Variants in DTNB observed in about 807,000 individuals in gnomAD.
DTNB encodes the protein DTN-B.
DTNB carries 63 observed loss-of-function variants against 90.7 expected under a neutral mutation model. That is an observed-to-expected ratio of 0.69 (90% confidence interval 0.57 to 0.86). The LOEUF is 0.86. DTNB is among the 40% of genes least tolerant of loss of function. The probability of loss-of-function intolerance (pLI) is 0.00; values close to 1 mark genes in which losing one functional copy is unlikely to be tolerated. For synonymous variants in DTNB, 277 were observed against 286.7 expected, an observed-to-expected ratio of 0.97 and a Z score of 0.34; for missense variants, 744 against 807.1, an observed-to-expected ratio of 0.92 and a Z score of 0.95.
At chr2:25,623,802 C>T (rs984840378) in intron 4 of DTNB, among the ~76,000 whole-genome samples, 3 of 151,948 alleles carry the variant, frequency 2.0e-5, no homozygotes, top group African/African-American at 7.3e-5. Context: ...AAACCAGAAA[C>T]AACAAACAGT....
chr2:25,429,932 T>TG (rs1331174160), intron 14 of DTNB, among the ~76,000 whole-genome samples: 1 of 152,290 alleles, frequency 6.6e-6, no homozygotes, highest in African/African-American at 2.4e-5. Context: ...CATAATTATT[T>TG]GGGGGGAATC....
chr2:25,424,435 A>G lies in DTNB; in HGVS notation c.1554+3100T>C, dbSNP rs2050820338. ...ACACTAGAAGGCCACAGTGGCATGC[A>G]TGGGGCTTGGGGTCAGTAGTTCTGG... is the stretch of plus-strand genomic sequence containing the variant. On this transcript the variant is annotated intron_variant, in intron 15 of 20. Transcript: ENST00000406818. This position sits in a 1 kb window ranked among gnomAD's most constrained non-coding sequence, Gnocchi z 4.1. 6.6e-6 allele frequency among the ~76,000 whole-genome samples: 1 copy of G among 152,130 alleles called. No individual in the cohort carries two copies. The highest frequency in any genetic ancestry group is 1.5e-5 in the Non-Finnish European group (1 of 68,002).
chr2:25,568,435 A>T lies in DTNB; in HGVS notation c.876+8403T>A, dbSNP rs562139395. ...CAGAAAAGCACGTATGCCCAGATCAAGGAAAAGGAAGGTTAAGGCTAAAGA... is the reference window on the plus strand; with the variant it reads ...CAGAAAAGCACGTATGCCCAGATCATGGAAAAGGAAGGTTAAGGCTAAAGA... On this transcript the variant is annotated intron_variant, in intron 8 of 20. Coordinates refer to ENST00000406818, the MANE Select transcript of DTNB (RefSeq NM_021907.5). Among the ~76,000 whole-genome samples the T allele has an allele frequency of 9.9e-5, 15 of 152,278 alleles. No homozygotes were observed. The South Asian group carries it at 3.1e-3, about 32-fold the overall frequency.
At chr2:25,598,387 C>A (rs2065088463) in intron 5 of DTNB, among the ~76,000 whole-genome samples, 1 of 152,170 alleles carries the variant, frequency 6.6e-6, no homozygotes, top group Non-Finnish European at 1.5e-5. Context: ...CACCTCTGGA[C>A]TTCTTTTATG....
chr2:25,520,906 A>G lies in DTNB; in HGVS notation c.1001+10567T>C, dbSNP rs948554021. Among the ~76,000 whole-genome samples, 3 of 152,238 alleles carry G rather than the reference A, an allele frequency of 2.0e-5. No homozygotes were observed. The East Asian group carries it at 5.8e-4, about 29-fold the overall frequency. On this transcript the variant is annotated intron_variant, in intron 9 of 20. Coordinates refer to ENST00000406818, the MANE Select transcript of DTNB (RefSeq NM_021907.5). ...ATTACAGTATAATTTAAATAACAGT[A>G]TAACAGTATTTTTTAATTATCTAGG...
intron 5 of DTNB, among the ~76,000 whole-genome samples, chr2:25,599,505 C>T (rs2065383133): frequency 2.6e-5 from 4 of 151,792 alleles, no homozygotes; most frequent in African/African-American, 9.7e-5. Context: ...CCATGCCCAG[C>T]TAATTTTTTG....
chr2:25,410,363 G>C (rs1317075529), intron 16 of DTNB, among the ~76,000 whole-genome samples: 1 of 152,144 alleles, frequency 6.6e-6, no homozygotes, highest in Non-Finnish European at 1.5e-5. Flanking sequence ...ACACCCCAAA[G>C]CTACTTTTCT....
chr2:25,475,037 A>G (rs2063499513), intron 10 of DTNB, among the ~76,000 whole-genome samples: 1 of 152,180 alleles, frequency 6.6e-6, no homozygotes. Context: ...AAAATATTGA[A>G]ATTAGGCCAG....
At chr2:25,382,948 C>T (rs773189555) in intron 19 of DTNB, among the ~76,000 whole-genome samples, 6 of 152,128 alleles carry the variant, frequency 3.9e-5, no homozygotes, top group Non-Finnish European at 8.8e-5. Flanking sequence ...GATCATCATA[C>T]GTGAAAATCA....
chr2:25,577,075 A>C (rs1490063469), intron 7 of DTNB, 71 bp from the exon 8 acceptor site: 14 of 1,433,452 alleles, frequency 9.8e-6, no homozygotes, highest in Non-Finnish European at 1.1e-5. Context: ...AAGAAAGAAT[A>C]AAATTTCACT....
chr2:25,491,249 A>G (rs2067404903), intron 9 of DTNB, among the ~76,000 whole-genome samples: 1 of 152,114 alleles, frequency 6.6e-6, no homozygotes, highest in Non-Finnish European at 1.5e-5. Flanking sequence ...TGAGACTTTC[A>G]GTAGAAAACC....
chr2:25,569,909 C>T (rs1049412204), intron 8 of DTNB, among the ~76,000 whole-genome samples: 3 of 151,784 alleles, frequency 2.0e-5, no homozygotes, highest in Non-Finnish European at 4.4e-5. Context: ...CCAGCCTGGC[C>T]AACATGGTGA....
At position 25,428,598 on chromosome 2, in the gene DTNB, A is replaced by G. The variant is rs1162488579; in HGVS notation, c.1458-967T>C. On this transcript the variant is annotated intron_variant, in intron 14 of 20. Coordinates refer to ENST00000406818, the MANE Select transcript of DTNB (RefSeq NM_021907.5). ...ACAGGCATCGCCACCATGCCCAGTT[A>G]ATTTTTGTATTTTTAGTAGAGATGG... Among the ~76,000 whole-genome samples the G allele has an allele frequency of 5.9e-5, 9 of 151,954 alleles. No homozygotes were observed. The South Asian group carries it at 1.7e-3, about 28-fold the overall frequency.
chr2:25,513,178 G>A (rs905571654), intron 9 of DTNB, among the ~76,000 whole-genome samples: 2 of 152,192 alleles, frequency 1.3e-5, no homozygotes, highest in Non-Finnish European at 2.9e-5. Context: ...ATTCTAAATT[G>A]CAGTCAGTAT....
rs1486067428 is a variant in DTNB, at chr2:25,560,264, A to G, written c.876+16574T>C. On this transcript the variant is annotated intron_variant, in intron 8 of 20. Transcript: ENST00000406818. ...TCTCAAAGAAATAATAAAATAAAAT[A>G]AATTTTATGTGTCAATTTGACTGGG... 2.0e-5 allele frequency among the ~76,000 whole-genome samples: 3 copies of G among 152,342 alleles called. 1 individual carries two copies. Among genetic ancestry groups the G allele is most frequent in the South Asian group, 4.1e-4 (2 of 4,828 alleles).
Position 25,563,609 on chromosome 2 carries a change from T to C in DTNB, c.876+13229A>G, listed in dbSNP as rs867067739. On this transcript the variant is annotated intron_variant, in intron 8 of 20. Coordinates refer to ENST00000406818, the MANE Select transcript of DTNB (RefSeq NM_021907.5). ...CTTACATTAAGGGGTCTATAATCCA[T>C]TTTGAATTCGTGTTTCATATGGTAT... Among the ~76,000 whole-genome samples, 101 of 152,364 alleles carry C rather than the reference T, an allele frequency of 6.6e-4. No individual in the cohort carries two copies. In the Middle Eastern group the frequency reaches 0.017, roughly 26 times the overall value.
At chr2:25,521,872 C>T (rs1288166428) in intron 9 of DTNB, among the ~76,000 whole-genome samples, 2 of 152,190 alleles carry the variant, frequency 1.3e-5, no homozygotes, top group Non-Finnish European at 2.9e-5. Context: ...GTGTGTGCAG[C>T]GGAAGACACT....
chr2:25,461,052 T>G (rs1016492779), intron 10 of DTNB, among the ~76,000 whole-genome samples: 2 of 152,104 alleles, frequency 1.3e-5, no homozygotes, highest in Admixed American at 1.3e-4. Context: ...TACAGGTGTG[T>G]GCCACCACGC....
intron 9 of DTNB, among the ~76,000 whole-genome samples, chr2:25,509,351 G>A (rs1318114795): frequency 3.3e-5 from 5 of 152,186 alleles, no homozygotes; most frequent in Non-Finnish European, 7.3e-5. Context: ...CTAACTTTCT[G>A]AGAGTTTTTA....
Sources: allele counts gnomAD v4.1 joint callset (sites outside exome capture counted in the v4.1 genomes callset), GRCh38; gene constraint gnomAD v4.1.1; non-coding constraint Gnocchi (gnomAD v3.1); transcripts MANE v1.5; gene names NCBI Gene and HGNC (gene_info 2026-07-23, HGNC 2026-07-21).